Variants in PTPRD observed in about 807,000 individuals in gnomAD.
PTPRD encodes the protein receptor-type tyrosine-protein phosphatase delta.
Under a neutral mutation model 214.5 loss-of-function variants are expected in PTPRD, and 34 were observed. The ratio of observed to expected loss-of-function variants is 0.16; its 90% confidence interval spans 0.12 to 0.21. The LOEUF is 0.21. Ranked by LOEUF, PTPRD falls within the 10% of genes least tolerant of loss-of-function variation. The pLI, the probability that PTPRD is intolerant of heterozygous loss-of-function variation, is 1.00. For missense variants in PTPRD, 2,545 were observed against 2,398.7 expected (o/e 1.06, Z -1.27); for synonymous variants, 1,128 against 845.7 (o/e 1.33, Z -5.79).
intron 9 of PTPRD, among the ~76,000 whole-genome samples, chr9:9,297,254 T>C (rs1384085280): frequency 6.6e-6 from 1 of 151,678 alleles, no homozygotes; most frequent in Non-Finnish European, 1.5e-5. Context: ...GATAAAATAA[T>C]GATAATTAAA....
chr9:10,211,727 T>G (rs1242045922), intron 3 of PTPRD, among the ~76,000 whole-genome samples: 3 of 152,058 alleles, frequency 2.0e-5, no homozygotes, highest in Non-Finnish European at 4.4e-5. Context: ...TATTCTTACT[T>G]AGAAGTGAGA....
At chr9:8,915,513 A>G (rs1409795498) in intron 11 of PTPRD, among the ~76,000 whole-genome samples, 1 of 152,112 alleles carries the variant, frequency 6.6e-6, no homozygotes, top group African/African-American at 2.4e-5. Context: ...GTGTGTGTGT[A>G]TATATACAAA....
At chr9:10,353,932 T>C (rs2097223561) in intron 2 of PTPRD, among the ~76,000 whole-genome samples, 1 of 152,008 alleles carries the variant, frequency 6.6e-6, no homozygotes, top group Non-Finnish European at 1.5e-5. Context: ...CATAAAAAAA[T>C]CAATTGAGTA....
intron 5 of PTPRD, among the ~76,000 whole-genome samples, chr9:9,778,516 C>T (rs978340081): frequency 3.3e-5 from 5 of 152,166 alleles, no homozygotes; most frequent in South Asian, 2.1e-4. Flanking sequence ...AGCTGACCTC[C>T]GAGTCAGGAG....
intron 21 of PTPRD, among the ~76,000 whole-genome samples, chr9:8,516,183 A>G (rs1158336135): frequency 6.6e-6 from 1 of 152,204 alleles, no homozygotes; most frequent in East Asian, 1.9e-4. Context: ...AAAAAGCAAA[A>G]CAAGATTTAC....
rs1023630005 is a variant in PTPRD, at chr9:9,856,974, C to T, written c.-368+81533G>A. Among the ~76,000 whole-genome samples the T allele has an allele frequency of 2.0e-4, 30 of 152,070 alleles. 1 individual carries two copies. The highest frequency in any genetic ancestry group is 3.8e-4 in the Non-Finnish European group (26 of 68,002). On this transcript the variant is annotated intron_variant, in intron 5 of 45. Coordinates refer to ENST00000381196, the MANE Select transcript of PTPRD (RefSeq NM_002839.4). Reference sequence around the variant, plus strand: ...GAAAGCAGTGGTTATTCTTAATGGACCAATGTATTATTTTTCCTCTTTTTG... The same window carrying T: ...GAAAGCAGTGGTTATTCTTAATGGATCAATGTATTATTTTTCCTCTTTTTG...
At chr9:8,926,606 G>GT (rs1053026005) in intron 11 of PTPRD, among the ~76,000 whole-genome samples, 3 of 152,148 alleles carry the variant, frequency 2.0e-5, no homozygotes, top group Non-Finnish European at 4.4e-5. Flanking sequence ...GGCTGGGACT[G>GT]TATGTTCTCC....
At chr9:10,611,222 T>A (rs1042011691) in intron 2 of PTPRD, among the ~76,000 whole-genome samples, 1 of 152,170 alleles carries the variant, frequency 6.6e-6, no homozygotes, top group Non-Finnish European at 1.5e-5. Context: ...CTAGTCAGTA[T>A]AAGTACTACC....
At chr9:8,568,170 G>A (rs556447168) in intron 14 of PTPRD, among the ~76,000 whole-genome samples, 7 of 152,194 alleles carry the variant, frequency 4.6e-5, no homozygotes, top group African/African-American at 1.4e-4. Context: ...TCAGCAAAAT[G>A]TTTTAAATAC....
At chr9:9,112,856 C>T (rs756650131) in intron 10 of PTPRD, among the ~76,000 whole-genome samples, 41 of 152,136 alleles carry the variant, frequency 2.7e-4, no homozygotes, top group Admixed American at 5.2e-4. Context: ...TCTTGAATTA[C>T]TTTAGCAGGT....
At chr9:9,719,121 G>C (rs1175675988) in intron 7 of PTPRD, among the ~76,000 whole-genome samples, 1 of 152,146 alleles carries the variant, frequency 6.6e-6, no homozygotes, top group Non-Finnish European at 1.5e-5. Flanking sequence ...AAAACAGCAT[G>C]CACTTCTGCC....
intron 3 of PTPRD, among the ~76,000 whole-genome samples, chr9:10,087,601 CG>C (rs2098366832): frequency 6.6e-6 from 1 of 151,576 alleles, no homozygotes; most frequent in African/African-American, 2.4e-5. Flanking sequence ...ACTGATCTTC[CG>C]GAGTGCTATG....
At position 8,316,063 on chromosome 9, in the gene PTPRD, C is replaced by G; in HGVS notation, c.*1811G>C. 1 of 228,656 alleles carries G rather than the reference C, an allele frequency of 4.4e-6. No individual in the cohort carries two copies. Among genetic ancestry groups the G allele is most frequent in the Non-Finnish European group, 8.7e-6 (1 of 114,994 alleles). 14.2% of individuals were successfully genotyped at this position (228,656 alleles called of 1,614,324 possible). A position where few individuals can be genotyped will look rare whatever the true frequency, so the allele number is the denominator to read the frequency against. On this transcript the variant is annotated 3_prime_UTR_variant, in exon 46 of 46. Transcript: ENST00000381196. Reference sequence around the variant, plus strand: ...GGTGCAGTTACTGCATGTTCCAGAGCGGATTTGGAAGGGAATATAAATAAA... The same window carrying G: ...GGTGCAGTTACTGCATGTTCCAGAGGGGATTTGGAAGGGAATATAAATAAA...
At chr9:9,592,249 C>T (rs1288064504) in intron 7 of PTPRD, among the ~76,000 whole-genome samples, 1 of 151,936 alleles carries the variant, frequency 6.6e-6, no homozygotes, top group East Asian at 1.9e-4. Flanking sequence ...ATATCTTGTT[C>T]CATTTCCATG....
chr9:8,786,630 G>A (rs2095987805), intron 11 of PTPRD, among the ~76,000 whole-genome samples: 2 of 151,220 alleles, frequency 1.3e-5, no homozygotes, highest in African/African-American at 2.4e-5. Flanking sequence ...GGCGAGGCTG[G>A]TCTGGAACTC....
intron 3 of PTPRD, among the ~76,000 whole-genome samples, chr9:10,237,624 T>G (rs1249254547): frequency 1.3e-5 from 2 of 151,960 alleles, no homozygotes; most frequent in African/African-American, 4.8e-5. Context: ...AGTACTATAG[T>G]GCCTAAGGCC....
intron 4 of PTPRD, among the ~76,000 whole-genome samples, chr9:9,939,127 A>G (rs185618874): frequency 1.5e-3 from 221 of 152,206 alleles, no homozygotes; most frequent in African/African-American, 5.0e-3. Context: ...AGAGACACTG[A>G]TAAAGAACAC....
intron 3 of PTPRD, among the ~76,000 whole-genome samples, chr9:10,323,979 A>G (rs181996986): frequency 4.6e-5 from 7 of 152,220 alleles, no homozygotes; most frequent in African/African-American, 1.7e-4. Context: ...AAGAGAAATT[A>G]AAAATAAATT....
At chr9:9,732,098 C>T (rs1247975255) in intron 7 of PTPRD, among the ~76,000 whole-genome samples, 1 of 151,814 alleles carries the variant, frequency 6.6e-6, no homozygotes, top group Admixed American at 6.6e-5. Flanking sequence ...TTGAATTTGG[C>T]CTTGAGGAAT....
Sources: allele counts gnomAD v4.1 joint callset (sites outside exome capture counted in the v4.1 genomes callset), GRCh38; gene constraint gnomAD v4.1.1; transcripts MANE v1.5; gene names NCBI Gene and HGNC (gene_info 2026-07-23, HGNC 2026-07-21).